The following EYS variants were observed in gnomAD, a reference collection of about 807,000 sequenced individuals.
EYS encodes the protein EGF-like photoreceptor maintenance factor, also known as protein eyes shut homolog.
In EYS, 250 loss-of-function variants were observed where a neutral mutation model predicts 282.1. That is an observed-to-expected ratio of 0.89 (90% confidence interval 0.80 to 0.98). The LOEUF is 0.98. EYS is among the 50% of genes least tolerant of loss of function. EYS has a pLI of 0.00. For missense variants in EYS, 4,016 were observed against 3,709.0 expected (o/e 1.08, Z -2.15); for synonymous variants, 1,355 against 1,282.9 (o/e 1.06, Z -1.20).
At chr6:64,520,474 G>GT (rs1358208483) in intron 26 of EYS, among the ~76,000 whole-genome samples, 7 of 151,706 alleles carry the variant, frequency 4.6e-5, no homozygotes, top group African/African-American at 1.7e-4. Context: ...CTTCTTCTCT[G>GT]TAGGGGGCCT....
intron 18 of EYS, among the ~76,000 whole-genome samples, chr6:64,901,251 G>A (rs1010854954): frequency 6.9e-6 from 1 of 145,886 alleles, no homozygotes; most frequent in Non-Finnish European, 1.5e-5. Flanking sequence ...GGGTTGGGGG[G>A]CAAGGGGAGG....
intron 29 of EYS, among the ~76,000 whole-genome samples, chr6:64,342,305 C>A (rs1760814727): frequency 1.3e-5 from 2 of 151,692 alleles, no homozygotes; most frequent in Admixed American, 1.3e-4. Context: ...ATGTTAAGGG[C>A]AGCCGGAGAG....
At chr6:65,161,580 A>G (rs2150221809) in intron 12 of EYS, among the ~76,000 whole-genome samples, 1 of 151,316 alleles carries the variant, frequency 6.6e-6, no homozygotes, top group South Asian at 2.1e-4. Flanking sequence ...GAAAAACAAA[A>G]GGAAAGATAA....
intron 31 of EYS, among the ~76,000 whole-genome samples, chr6:64,114,369 G>T (rs371237741): frequency 1.1e-4 from 17 of 151,970 alleles, no homozygotes; most frequent in African/African-American, 3.1e-4. Context: ...CCACCTAAAG[G>T]GCTGATATCT....
intron 14 of EYS, among the ~76,000 whole-genome samples, chr6:64,992,516 T>C (rs1771098468): frequency 6.6e-6 from 1 of 151,930 alleles, no homozygotes; most frequent in South Asian, 2.1e-4. Context: ...ATAAAATATA[T>C]CCATTTAAAG....
chr6:64,485,857 TG>T (rs1267530631), intron 26 of EYS, among the ~76,000 whole-genome samples: 1 of 151,514 alleles, frequency 6.6e-6, no homozygotes, highest in Non-Finnish European at 1.5e-5. Context: ...CTAGTGCCAA[TG>T]TTTACTATTC....
At chr6:64,166,571 C>A (rs1764297154) in intron 31 of EYS, among the ~76,000 whole-genome samples, 1 of 152,166 alleles carries the variant, frequency 6.6e-6, no homozygotes, top group South Asian at 2.1e-4. Flanking sequence ...AGAATCTGCA[C>A]TCTTGTCATG....
intron 36 of EYS, among the ~76,000 whole-genome samples, chr6:63,862,804 A>T (rs2149708891): frequency 6.6e-6 from 1 of 150,614 alleles, no homozygotes; most frequent in East Asian, 2.0e-4. Context: ...TATAAAAATG[A>T]CTTGGCTAAC....
chr6:65,428,590 T>C, intron 5 of EYS, among the ~76,000 whole-genome samples: 1 of 152,078 alleles, frequency 6.6e-6, no homozygotes, highest in East Asian at 1.9e-4. Context: ...TTGATTCTCC[T>C]TCTTCTCAAG....
At chr6:64,393,512 C>T (rs980650471) in intron 28 of EYS, among the ~76,000 whole-genome samples, 1 of 152,106 alleles carries the variant, frequency 6.6e-6, no homozygotes, top group Non-Finnish European at 1.5e-5. Flanking sequence ...AGCATATAAA[C>T]AGAGTCAAAG....
chr6:63,990,560 A>G (rs1050182850), intron 34 of EYS, among the ~76,000 whole-genome samples: 1 of 151,678 alleles, frequency 6.6e-6, no homozygotes, highest in Non-Finnish European at 1.5e-5. Context: ...AGGGTACCAC[A>G]TTGGGGATCA....
intron 33 of EYS, among the ~76,000 whole-genome samples, chr6:64,050,345 T>G (rs1770766508): frequency 6.6e-6 from 1 of 152,178 alleles, no homozygotes; most frequent in South Asian, 2.1e-4. Flanking sequence ...AACTATATAC[T>G]TGTTTACTTG....
intron 14 of EYS, among the ~76,000 whole-genome samples, chr6:64,974,977 C>T (rs1403791276): frequency 2.0e-5 from 3 of 151,654 alleles, no homozygotes; most frequent in African/African-American, 7.3e-5. Flanking sequence ...TGACAGCAGG[C>T]TCATGGTTAA....
intron 22 of EYS, among the ~76,000 whole-genome samples, chr6:64,669,624 T>TTAATA (rs2149894920): frequency 6.6e-6 from 1 of 152,320 alleles, no homozygotes; most frequent in Admixed American, 6.5e-5. Context: ...GGACTGTGCT[T>TTAATA]TAATAAGTGC....
intron 29 of EYS, among the ~76,000 whole-genome samples, chr6:64,311,521 C>A (rs1022988078): frequency 6.6e-6 from 1 of 152,060 alleles, no homozygotes; most frequent in African/African-American, 2.4e-5. Context: ...AATCATAGCA[C>A]TAGGAATATA....
intron 41 of EYS, among the ~76,000 whole-genome samples, chr6:63,750,295 T>C (rs1769312098): frequency 6.6e-6 from 1 of 152,224 alleles, no homozygotes; most frequent in Non-Finnish European, 1.5e-5. Context: ...CCCTTTGATT[T>C]AGTCATGTTC....
intron 31 of EYS, among the ~76,000 whole-genome samples, chr6:64,194,117 C>T (rs529918310): frequency 8.6e-5 from 13 of 152,020 alleles, no homozygotes; most frequent in East Asian, 3.9e-4. Context: ...CATGATCTGC[C>T]GCCTCAGCCT....
intron 15 of EYS, among the ~76,000 whole-genome samples, chr6:64,921,063 G>A (rs953467912): frequency 1.3e-5 from 2 of 151,892 alleles, no homozygotes; most frequent in African/African-American, 4.8e-5. Context: ...AATAGTCTTT[G>A]TTTTTTTGTT....
intron 13 of EYS, among the ~76,000 whole-genome samples, chr6:65,031,362 T>C (rs1459310098): frequency 1.3e-5 from 2 of 151,896 alleles, no homozygotes; most frequent in Admixed American, 6.6e-5. Context: ...ACCTGAACTC[T>C]ACACTTGGAC....
Sources: gnomAD v4.1 joint callset for allele counts (sites outside exome capture counted in the v4.1 genomes callset) on GRCh38, gnomAD v4.1.1 for gene constraint, MANE v1.5 for transcripts, NCBI Gene and HGNC (gene_info 2026-07-23, HGNC 2026-07-21) for gene names.